Variants in HEATR5A observed in about 807,000 individuals in gnomAD.
HEATR5A encodes HEAT repeat containing 5A.
A neutral mutation model predicts 218.8 loss-of-function variants in HEATR5A; 178 were observed. The ratio of observed to expected loss-of-function variants is 0.81; its 90% confidence interval spans 0.72 to 0.92. The LOEUF (loss-of-function observed/expected upper bound fraction) is 0.92, where lower values mean the gene tolerates loss of function less well. HEATR5A is among the 40% of genes least tolerant of loss of function. The pLI, the probability that HEATR5A is intolerant of heterozygous loss-of-function variation, is 0.00. For synonymous variants in HEATR5A, 864 were observed against 871.6 expected (o/e 0.99, Z 0.15); for missense variants, 2,420 against 2,418.9 (o/e 1.00, Z -0.01).
At chr14:31,304,350 C>T (rs192549709) in intron 32 of HEATR5A, among the ~76,000 whole-genome samples, 1 of 152,322 alleles carries the variant, frequency 6.6e-6, no homozygotes, top group East Asian at 1.9e-4. Flanking sequence ...ATAATTGCCA[C>T]TGACTGGTCA....
intron 13 of HEATR5A, among the ~76,000 whole-genome samples, chr14:31,370,366 T>A (rs1901992780): frequency 6.6e-6 from 1 of 152,194 alleles, no homozygotes. Context: ...TATAAAATTA[T>A]ACTTAAACCG....
chr14:31,360,666 G>A (rs746131254), intron 14 of HEATR5A, among the ~76,000 whole-genome samples: 23 of 152,134 alleles, frequency 1.5e-4, no homozygotes, highest in Non-Finnish European at 1.3e-4. Flanking sequence ...TTAGAAAAAT[G>A]TTTATACTCT....
chr14:31,301,772 C>CAGGT (rs1566745961), intron 33 of HEATR5A, among the ~76,000 whole-genome samples: 2 of 147,542 alleles, frequency 1.4e-5, no homozygotes, highest in African/African-American at 2.5e-5. Flanking sequence ...GGATTGTAGA[C>CAGGT]GTGAGCCACC....
intron 1 of HEATR5A, among the ~76,000 whole-genome samples, chr14:31,414,733 T>C (rs116560864): frequency 4.7e-4 from 71 of 152,326 alleles, no homozygotes; most frequent in African/African-American, 1.5e-3. Context: ...TCTCCTCTAA[T>C]TGTTCATGTC....
intron 25 of HEATR5A, chr14:31,320,757 T>C (rs564248843): frequency 8.8e-6 from 3 of 342,346 alleles, no homozygotes; most frequent in East Asian, 1.5e-4. Context: ...AGGGCCATTT[T>C]TTTTCCCCCT....
Position 31,400,316 on chromosome 14 carries a change from T to A in HEATR5A, c.323A>T (p.Tyr108Phe), listed in dbSNP as rs1222305715. The A allele has an allele frequency of 2.6e-6, 4 of 1,533,714 alleles. No individual in the cohort carries two copies. The highest frequency in any genetic ancestry group is 3.5e-6 in the Non-Finnish European group (4 of 1,144,998). Residue 108 changes from tyrosine to phenylalanine, a missense_variant, in exon 3 of 36, where the codon TAT becomes TTT. By Grantham distance (22) the Tyr-to-Phe change is conservative (BLOSUM62 3). Coordinates refer to ENST00000543095, the MANE Select transcript of HEATR5A (RefSeq NM_015473.4). ...LIRSKDDSPS[Y>F]LPTKLAAVVC... The stretch of plus-strand genomic sequence containing the variant: ...TTTCACTTACAGCTTAGTGGGAAGA[T>A]AACTTGGAGAATCATCTTTGCTACG...
Position 31,389,004 on chromosome 14 carries a change from T to C in HEATR5A, c.774A>G (p.Ala258=). Residue 258 remains alanine, a splice_region_variant and synonymous_variant, in exon 7 of 36, where the codon GCA becomes GCG. Transcript: ENST00000543095. ...KAVISKHPGT[A]ASRQSIRRVS... is the part of the protein sequence containing the mutation. Reference sequence around the variant, plus strand: ...CTCTGCGAATGCTTTGACGTGAGGCTGCTATGACAAAGAACAAAACTGTGA... The same window carrying C: ...CTCTGCGAATGCTTTGACGTGAGGCCGCTATGACAAAGAACAAAACTGTGA... 1 of 1,604,298 alleles carries C rather than the reference T, an allele frequency of 6.2e-7. No homozygotes were observed. The highest frequency in any genetic ancestry group is 8.5e-7 in the Non-Finnish European group (1 of 1,174,802).
chr14:31,310,339 T>C (rs1899703161), intron 28 of HEATR5A, among the ~76,000 whole-genome samples: 1 of 152,146 alleles, frequency 6.6e-6, no homozygotes, highest in African/African-American at 2.4e-5. Context: ...CTGGCTTACA[T>C]GCATCCTTTA....
intron 16 of HEATR5A, among the ~76,000 whole-genome samples, chr14:31,357,047 C>G (rs1431699489): frequency 6.6e-6 from 1 of 152,164 alleles, no homozygotes; most frequent in Non-Finnish European, 1.5e-5. Context: ...CAAATTTCAT[C>G]CTCTCCATGA....
intron 1 of HEATR5A, among the ~76,000 whole-genome samples, chr14:31,418,827 A>T (rs2031542819): frequency 6.6e-6 from 1 of 152,206 alleles, no homozygotes; most frequent in South Asian, 2.1e-4. Context: ...TCAGAATTTA[A>T]CCCTTATGTT....
chr14:31,347,973 C>A, intron 18 of HEATR5A, 66 bp from the exon 19 acceptor site: 2 of 995,836 alleles, frequency 2.0e-6, no homozygotes, highest in Admixed American at 3.9e-5. Flanking sequence ...AAAACTAATG[C>A]ATGTACACTG....
chr14:31,386,587 G>A lies in HEATR5A; in HGVS notation c.1190-12C>T. ...ACTCATTACGGCATCTGATAGAAAT[G>A]CAAGAATTAACTATGCATAACCACT... On this transcript the variant is annotated splice_polypyrimidine_tract_variant and intron_variant, in intron 8 of 35. Coordinates refer to ENST00000543095, the MANE Select transcript of HEATR5A (RefSeq NM_015473.4). 1 of 1,564,238 alleles carries A rather than the reference G, an allele frequency of 6.4e-7. No homozygotes were observed. Among genetic ancestry groups the A allele is most frequent in the South Asian group, 1.2e-5 (1 of 81,964 alleles).
chr14:31,320,181 G>A (rs747232759), intron 25 of HEATR5A: 31 of 577,672 alleles, frequency 5.4e-5, no homozygotes, highest in African/African-American at 2.4e-4. Flanking sequence ...GGAATGGCGC[G>A]GAGTTGCAGC....
intron 12 of HEATR5A, among the ~76,000 whole-genome samples, chr14:31,373,474 G>A (rs1443055807): frequency 5.9e-5 from 9 of 151,586 alleles, no homozygotes; most frequent in African/African-American, 1.7e-4. Flanking sequence ...GATTACAAGC[G>A]CCCACCACCA....
chr14:31,310,114 T>C lies in HEATR5A; in HGVS notation c.4442-932A>G, dbSNP rs534417323. On this transcript the variant is annotated intron_variant, in intron 28 of 35. Transcript: ENST00000543095. ...TGACTCCTAGATATGGTCTTATACTTTCACAATAATGTATGTATTCATTAA... is the reference window on the plus strand; with the variant it reads ...TGACTCCTAGATATGGTCTTATACTCTCACAATAATGTATGTATTCATTAA... Among the ~76,000 whole-genome samples, 62 of 152,370 alleles carry C rather than the reference T, an allele frequency of 4.1e-4. 1 individual carries two copies. The highest frequency in any genetic ancestry group is 1.4e-3 in the African/African-American group (57 of 41,596).
Position 31,386,576 on chromosome 14 carries a change from C to T in HEATR5A, c.1190-1G>A, listed in dbSNP as rs1352056640. The stretch of plus-strand genomic sequence containing the variant: ...AAATTACCATCACTCATTACGGCAT[C>T]TGATAGAAATGCAAGAATTAACTAT... On this transcript the variant is annotated splice_acceptor_variant, in intron 8 of 35. Transcript: ENST00000543095. LOFTEE classifies it high-confidence loss of function. The T allele has an allele frequency of 1.3e-6, 2 of 1,571,904 alleles. No homozygotes were observed. The highest frequency in any genetic ancestry group is 8.6e-7 in the Non-Finnish European group (1 of 1,162,038).
chr14:31,396,174 T>C (rs147368018), intron 4 of HEATR5A, among the ~76,000 whole-genome samples: 93 of 152,222 alleles, frequency 6.1e-4, no homozygotes, highest in Admixed American at 1.0e-3. Context: ...CTGGGCAACA[T>C]GGTGAAACCT....
At position 31,302,375 on chromosome 14, in the gene HEATR5A, G is replaced by A. The variant is rs1268072596; in HGVS notation, c.5384C>T (p.Ala1795Val). The A allele has an allele frequency of 1.2e-6, 2 of 1,603,880 alleles. No individual in the cohort carries two copies. Among genetic ancestry groups the A allele is most frequent in the Non-Finnish European group, 1.7e-6 (2 of 1,175,100 alleles). ...AGCAGTACGGCTCTTTTCTGCCCGG[G>A]CCATGGGAGAAGATAATATTCCTTT... The part of the protein sequence containing the change: ...ALKGILSSPM[A>V]RAEKSRTAWT... Residue 1795 changes from alanine to valine, a missense_variant, in exon 33 of 36, where the codon GCC becomes GTC. Coordinates refer to ENST00000543095, the MANE Select transcript of HEATR5A (RefSeq NM_015473.4).
At chr14:31,394,487 T>C (rs2030571955) in intron 5 of HEATR5A, among the ~76,000 whole-genome samples, 1 of 152,090 alleles carries the variant, frequency 6.6e-6, no homozygotes, top group Admixed American at 6.5e-5. Flanking sequence ...AATCAATCTA[T>C]TGGCTATGAA....
Sources: allele counts gnomAD v4.1 joint callset (sites outside exome capture counted in the v4.1 genomes callset), GRCh38; gene constraint gnomAD v4.1.1; transcripts MANE v1.5; gene names NCBI Gene and HGNC (gene_info 2026-07-23, HGNC 2026-07-21).